AKAP19: variants seen among roughly 807,000 people sequenced by gnomAD.
AKAP19 encodes A-kinase anchoring protein 19, also known as small A-kinase anchoring protein.
the AKAP19 span, among the ~76,000 whole-genome samples, chr2:190,104,525 T>C: frequency 6.6e-6 from 1 of 152,116 alleles, no homozygotes. Flanking sequence ...GCACAGTGTG[T>C]CACATTTGTA....
chr2:190,009,074 T>C, the AKAP19 span, among the ~76,000 whole-genome samples: 7 of 152,034 alleles, frequency 4.6e-5, no homozygotes, highest in East Asian at 1.9e-4. Context: ...AAGGAAGATA[T>C]CTGGCATTGT....
the AKAP19 span, among the ~76,000 whole-genome samples, chr2:189,949,783 C>T: frequency 1.3e-5 from 2 of 151,270 alleles, no homozygotes; most frequent in Admixed American, 1.3e-4. Flanking sequence ...AGGTGCATGC[C>T]ACCATGCCCA....
At chr2:190,193,083 CAT>C in the AKAP19 span, among the ~76,000 whole-genome samples, 1 of 152,020 alleles carries the variant, frequency 6.6e-6, no homozygotes, top group Non-Finnish European at 1.5e-5. Context: ...TTGCTCCTGT[CAT>C]AGGGAAAAAG....
the AKAP19 span, among the ~76,000 whole-genome samples, chr2:190,041,186 C>T: frequency 6.6e-6 from 1 of 152,020 alleles, no homozygotes; most frequent in African/African-American, 2.4e-5. Context: ...TTTGTGTCTT[C>T]TCTGATTTCA....
the AKAP19 span, among the ~76,000 whole-genome samples, chr2:189,958,308 A>G: frequency 1.3e-5 from 2 of 152,072 alleles, no homozygotes; most frequent in Non-Finnish European, 2.9e-5. Context: ...TAATCAGAGA[A>G]GTGCATATTA....
chr2:190,160,360 T>C, the AKAP19 span, among the ~76,000 whole-genome samples: 1 of 152,070 alleles, frequency 6.6e-6, no homozygotes, highest in South Asian at 2.1e-4. Flanking sequence ...ACCATGGTCA[T>C]AGTAATATTC....
At chr2:190,040,130 A>G in the AKAP19 span, among the ~76,000 whole-genome samples, 1,532 of 152,088 alleles carry the variant, frequency 0.01, 22 homozygotes, top group African/African-American at 0.035. Flanking sequence ...ACTAATTTAC[A>G]CTCCCACCAA....
At chr2:190,182,517 A>AT in the AKAP19 span, among the ~76,000 whole-genome samples, 1 of 152,194 alleles carries the variant, frequency 6.6e-6, no homozygotes, top group Non-Finnish European at 1.5e-5. Context: ...TGAGGATTAA[A>AT]TTAATAATAT....
the AKAP19 span, among the ~76,000 whole-genome samples, chr2:190,017,562 A>G: frequency 3.2e-4 from 48 of 152,176 alleles, no homozygotes; most frequent in East Asian, 9.3e-3. Flanking sequence ...CCCCTCCGCC[A>G]TTTTACATTT....
At chr2:189,890,936 G>A in the AKAP19 span, among the ~76,000 whole-genome samples, 9 of 152,064 alleles carry the variant, frequency 5.9e-5, no homozygotes, top group African/African-American at 1.7e-4. Flanking sequence ...AATATTATGT[G>A]TGAATTTGAT....
the AKAP19 span, among the ~76,000 whole-genome samples, chr2:190,091,527 T>G: frequency 1.1e-5 from 1 of 93,238 alleles, no homozygotes; most frequent in Non-Finnish European, 2.6e-5. Flanking sequence ...ATCAAATTAG[T>G]AGTTTATCCT....
the AKAP19 span, among the ~76,000 whole-genome samples, chr2:190,101,046 G>T: frequency 6.6e-6 from 1 of 152,192 alleles, no homozygotes; most frequent in Non-Finnish European, 1.5e-5. Context: ...AAAGACATCA[G>T]GAAAAGCTGC....
the AKAP19 span, chr2:190,199,712 G>C: frequency 8.9e-6 from 13 of 1,467,034 alleles, no homozygotes; most frequent in Non-Finnish European, 1.2e-5. Context: ...CACTACACGT[G>C]AAGAGTGGTG....
At chr2:190,129,890 C>T in the AKAP19 span, among the ~76,000 whole-genome samples, 1 of 152,230 alleles carries the variant, frequency 6.6e-6, no homozygotes, top group African/African-American at 2.4e-5. Context: ...GAGTGCCTCT[C>T]CTCCTTTTAA....
chr2:190,194,960 C>G, the AKAP19 span, among the ~76,000 whole-genome samples: 1 of 152,068 alleles, frequency 6.6e-6, no homozygotes, highest in African/African-American at 2.4e-5. Context: ...ACTCCTGGGC[C>G]CAAGTGACCT....
At chr2:190,055,223 C>G in the AKAP19 span, among the ~76,000 whole-genome samples, 4 of 150,246 alleles carry the variant, frequency 2.7e-5, no homozygotes, top group Non-Finnish European at 5.9e-5. Flanking sequence ...CAAACTATCA[C>G]AAGGACAAAA....
chr2:190,069,786 G>C, the AKAP19 span, among the ~76,000 whole-genome samples: 1 of 152,068 alleles, frequency 6.6e-6, no homozygotes, highest in African/African-American at 2.4e-5. Flanking sequence ...TTTATGATAG[G>C]TACTATGCCA....
the AKAP19 span, among the ~76,000 whole-genome samples, chr2:189,986,736 G>A: frequency 6.6e-6 from 1 of 152,070 alleles, no homozygotes; most frequent in East Asian, 1.9e-4. Flanking sequence ...AAAGCAGCAA[G>A]AGCAGCCATT....
At chr2:190,039,056 TCCTCTTCTTCCTCTTC>T in the AKAP19 span, among the ~76,000 whole-genome samples, 1 of 150,138 alleles carries the variant, frequency 6.7e-6, no homozygotes, top group East Asian at 2.0e-4. Context: ...TTCCTCTTCT[TCCTCTTCTTCCTCTTC>T]TTTTTTTGTT....
Sources: allele counts gnomAD v4.1 joint callset (sites outside exome capture counted in the v4.1 genomes callset), GRCh38; gene constraint gnomAD v4.1.1; transcripts MANE v1.5; gene names NCBI Gene and HGNC (gene_info 2026-07-23, HGNC 2026-07-21).